Variants in PAN3 observed in about 807,000 individuals in gnomAD.
PAN3 encodes poly(A) specific ribonuclease subunit PAN3.
A neutral mutation model predicts 96.2 loss-of-function variants in PAN3; 19 were observed. The ratio of observed to expected loss-of-function variants is 0.20; its 90% confidence interval spans 0.14 to 0.29. The LOEUF is 0.29. PAN3 is among the 10% of genes least tolerant of loss of function. The pLI is 1.00. For synonymous variants in PAN3, 433 were observed against 406.6 expected, an observed-to-expected ratio of 1.06 and a Z score of -0.78; for missense variants, 882 against 1,108.1, an observed-to-expected ratio of 0.80 and a Z score of 2.90.
chr13:28,266,999 GA>G, intron 10 of PAN3, 95 bp from the exon 11 acceptor site: 1 of 1,323,570 alleles, frequency 7.6e-7, no homozygotes, highest in Non-Finnish European at 1.0e-6. Context: ...AGTACCTCAT[GA>G]GCAATGTATA....
intron 5 of PAN3, among the ~76,000 whole-genome samples, chr13:28,200,301 T>G (rs537558453): frequency 6.6e-6 from 1 of 152,352 alleles, no homozygotes; most frequent in African/African-American, 2.4e-5. Context: ...TTCCTTGTGC[T>G]TCATCTTTTT....
chr13:28,189,572 A>G (rs1458991106), intron 4 of PAN3, among the ~76,000 whole-genome samples: 2 of 152,128 alleles, frequency 1.3e-5, no homozygotes, highest in African/African-American at 4.8e-5. Context: ...TCAAGCTCCA[A>G]GGGGGCAAGG....
At position 28,287,977 on chromosome 13, in the gene PAN3, C is replaced by T; in HGVS notation, c.2385-7C>T. 1 of 1,602,838 alleles carries T rather than the reference C, an allele frequency of 6.2e-7. No individual in the cohort carries two copies. The highest frequency in any genetic ancestry group is 8.5e-7 in the Non-Finnish European group (1 of 1,176,008). On this transcript the variant is annotated splice_polypyrimidine_tract_variant and splice_region_variant and intron_variant, in intron 17 of 18. Coordinates refer to ENST00000380958, the MANE Select transcript of PAN3 (RefSeq NM_175854.8). ...AGTTACTGAGGTAAAATGTTCATTT[C>T]CCCCAGGTTTCAGAAGGATCCCACT...
chr13:28,229,819 T>C (rs1882352259), intron 6 of PAN3, among the ~76,000 whole-genome samples: 1 of 152,214 alleles, frequency 6.6e-6, no homozygotes, highest in African/African-American at 2.4e-5. Context: ...ATTTGCGTGG[T>C]TCCATCCCCA....
chr13:28,180,043 A>T (rs987118969), intron 4 of PAN3, among the ~76,000 whole-genome samples: 13 of 152,222 alleles, frequency 8.5e-5, no homozygotes, highest in African/African-American at 3.1e-4. Context: ...CAATGGAAGC[A>T]GACTAATATA....
intron 15 of PAN3, 89 bp downstream of exon 15, chr13:28,277,465 A>T: frequency 7.4e-7 from 1 of 1,350,446 alleles, no homozygotes; most frequent in South Asian, 1.4e-5. Flanking sequence ...TTTGGTTCCC[A>T]CTATTTAAAA....
At chr13:28,270,031 C>G (rs1263718203) in intron 12 of PAN3, among the ~76,000 whole-genome samples, 1 of 152,118 alleles carries the variant, frequency 6.6e-6, no homozygotes, top group East Asian at 1.9e-4. Flanking sequence ...AGTTGGAGAT[C>G]AGCCTGGGCA....
chr13:28,203,170 A>G (rs1442403229), intron 5 of PAN3, among the ~76,000 whole-genome samples: 1 of 151,810 alleles, frequency 6.6e-6, no homozygotes, highest in Non-Finnish European at 1.5e-5. Flanking sequence ...CGTGTTGCCC[A>G]GGCTGTTCTT....
rs1307674056 is a variant in PAN3, at chr13:28,294,778, A to C, written c.*2256A>C. ...GACAGCTGATATGTTTTCATGAATA[A>C]ATATTGTCAGCCAGAAAAGGTTGGT... On this transcript the variant is annotated 3_prime_UTR_variant, in exon 19 of 19. Transcript: ENST00000380958. 1.3e-5 allele frequency: 2 copies of C among 152,472 alleles called. No homozygotes were observed. Among genetic ancestry groups the C allele is most frequent in the East Asian group, 3.8e-4 (2 of 5,196 alleles). The allele number at this position is 152,472 out of a possible 1,614,324, so 9.4% of individuals were successfully genotyped here.
chr13:28,286,914 G>T (rs1008431023), intron 17 of PAN3, among the ~76,000 whole-genome samples: 1 of 152,108 alleles, frequency 6.6e-6, no homozygotes, highest in African/African-American at 2.4e-5. Flanking sequence ...AAGCTGTGTA[G>T]TCTGATCCCT....
At chr13:28,216,022 T>G in intron 5 of PAN3, 1 of 586,902 alleles carries the variant, frequency 1.7e-6, no homozygotes, top group Non-Finnish European at 3.0e-6. Context: ...CAATGCATCT[T>G]AAAACCTTCA....
At chr13:28,153,387 C>T (rs563095956) in intron 1 of PAN3, among the ~76,000 whole-genome samples, 9 of 152,102 alleles carry the variant, frequency 5.9e-5, no homozygotes, top group Admixed American at 2.6e-4. Flanking sequence ...AGGCACCCAC[C>T]ACCATGCCTG....
chr13:28,194,434 A>G (rs1235421338), intron 4 of PAN3, among the ~76,000 whole-genome samples: 2 of 142,202 alleles, frequency 1.4e-5, no homozygotes, highest in African/African-American at 5.4e-5. Context: ...GTGTGTATAT[A>G]TACATATATA....
In PAN3 at chr13:28,294,022, T is replaced by G. The variant is rs531747118; in HGVS notation, c.*1500T>G. 1 of 152,746 alleles carries G rather than the reference T, an allele frequency of 6.5e-6. No homozygotes were observed. The highest frequency in any genetic ancestry group is 1.9e-4 in the East Asian group (1 of 5,182). The allele number at this position is 152,746 out of a possible 1,614,324, so 9.5% of individuals were successfully genotyped here. On this transcript the variant is annotated 3_prime_UTR_variant, in exon 19 of 19. Coordinates refer to ENST00000380958, the MANE Select transcript of PAN3 (RefSeq NM_175854.8). ...TATATTTCAGAGAAGTTTTTAATAT[T>G]TCTCTGTCCACTTTTTATAAGCTTT...
chr13:28,157,574 C>T (rs1872357600), intron 1 of PAN3, among the ~76,000 whole-genome samples: 2 of 152,246 alleles, frequency 1.3e-5, no homozygotes, highest in South Asian at 4.1e-4. Flanking sequence ...AGCATCCAAG[C>T]TGAGTGCCAA....
chr13:28,160,486 T>C (rs1379545584), intron 1 of PAN3, among the ~76,000 whole-genome samples: 1 of 152,168 alleles, frequency 6.6e-6, no homozygotes, highest in Non-Finnish European at 1.5e-5. Context: ...AAAGTACTTG[T>C]CACATGTCTT....
intron 17 of PAN3, 54 bp downstream of exon 17, chr13:28,281,433 A>G: frequency 3.5e-6 from 5 of 1,437,482 alleles, no homozygotes; most frequent in African/African-American, 2.8e-5. Flanking sequence ...ACTATTTTGC[A>G]TAATAAGAAT....
chr13:28,186,245 G>T (rs962875634), intron 4 of PAN3, among the ~76,000 whole-genome samples: 11 of 152,200 alleles, frequency 7.2e-5, no homozygotes, highest in African/African-American at 2.4e-4. Flanking sequence ...ATGACATTAA[G>T]ATTGTAATGT....
At chr13:28,139,978 C>A (rs1593338164) in intron 1 of PAN3, among the ~76,000 whole-genome samples, 1 of 152,026 alleles carries the variant, frequency 6.6e-6, no homozygotes, top group African/African-American at 2.4e-5. Flanking sequence ...GAGAGAGTCT[C>A]GCCCTGTCGC....
Sources: allele counts gnomAD v4.1 joint callset (sites outside exome capture counted in the v4.1 genomes callset), GRCh38; gene constraint gnomAD v4.1.1; transcripts MANE v1.5; gene names NCBI Gene and HGNC (gene_info 2026-07-23, HGNC 2026-07-21).